SOX5: variants seen among roughly 807,000 people sequenced by gnomAD.
SOX5 encodes transcription factor SOX-5.
Under a neutral mutation model 92.0 loss-of-function variants are expected in SOX5, and 9 were observed. That is an observed-to-expected ratio of 0.10 (90% confidence interval 0.06 to 0.17). The LOEUF is 0.17. SOX5 is among the 10% of genes least tolerant of loss of function. SOX5 has a pLI of 1.00. For synonymous variants in SOX5, 344 were observed against 336.3 expected, an observed-to-expected ratio of 1.02 and a Z score of -0.25; for missense variants, 642 against 944.5, an observed-to-expected ratio of 0.68 and a Z score of 4.20.
intron 2 of SOX5, among the ~76,000 whole-genome samples, chr12:24,292,646 C>A (rs1289113798): frequency 1.3e-5 from 2 of 152,192 alleles, no homozygotes; most frequent in African/African-American, 4.8e-5. Flanking sequence ...AGATAATCTA[C>A]AGTCTGACAC....
At chr12:24,163,930 C>T (rs2139026007) in intron 4 of SOX5, among the ~76,000 whole-genome samples, 1 of 151,908 alleles carries the variant, frequency 6.6e-6, no homozygotes, top group South Asian at 2.1e-4. Flanking sequence ...AAAAGGCAGA[C>T]ATCATTCAAA....
intron 8 of SOX5, among the ~76,000 whole-genome samples, chr12:23,625,757 C>G (rs2077698350): frequency 1.3e-5 from 2 of 152,094 alleles, no homozygotes; most frequent in African/African-American, 4.8e-5. Context: ...TTACAGGCGC[C>G]TGCCACCACG....
intron 2 of SOX5, among the ~76,000 whole-genome samples, chr12:23,861,727 A>G (rs2096759287): frequency 6.6e-6 from 1 of 152,186 alleles, no homozygotes; most frequent in African/African-American, 2.4e-5. Flanking sequence ...CATTTTCTTT[A>G]AGTCTCAAAC....
At chr12:24,073,271 A>G (rs1942042740) in intron 4 of SOX5, among the ~76,000 whole-genome samples, 1 of 152,236 alleles carries the variant, frequency 6.6e-6, no homozygotes, top group Admixed American at 6.5e-5. Flanking sequence ...ATATGAGCTC[A>G]AATCCAATCT....
chr12:24,543,605 T>A (rs1026610399), intron 1 of SOX5, among the ~76,000 whole-genome samples: 1 of 152,206 alleles, frequency 6.6e-6, no homozygotes, highest in Non-Finnish European at 1.5e-5. Flanking sequence ...GGAGAATCAC[T>A]TGGACCCAGG....
intron 4 of SOX5, among the ~76,000 whole-genome samples, chr12:24,165,628 A>C (rs1953308723): frequency 6.6e-6 from 1 of 152,146 alleles, no homozygotes; most frequent in Non-Finnish European, 1.5e-5. Flanking sequence ...TCTGAAAGGA[A>C]GTATAGAGGC....
At chr12:23,900,518 G>C (rs1192172885) in intron 1 of SOX5, among the ~76,000 whole-genome samples, 2 of 152,212 alleles carry the variant, frequency 1.3e-5, no homozygotes, top group South Asian at 4.2e-4. Context: ...CCTGCACATT[G>C]GAATTACCTG....
chr12:23,600,514 G>C (rs1336635060), intron 9 of SOX5, among the ~76,000 whole-genome samples: 17 of 40,404 alleles, frequency 4.2e-4, no homozygotes, highest in Non-Finnish European at 7.8e-4. Flanking sequence ...ACCATGGCGG[G>C]GGGGGTGCAT....
At chr12:23,882,229 C>G (rs951902252) in intron 2 of SOX5, among the ~76,000 whole-genome samples, 1 of 151,960 alleles carries the variant, frequency 6.6e-6, no homozygotes, top group Non-Finnish European at 1.5e-5. Context: ...TTGCTGGTAA[C>G]ATAGAAGCAA....
chr12:24,562,321 C>G (rs1954458812), intron 1 of SOX5: 1 of 152,308 alleles, frequency 6.6e-6, no homozygotes, highest in Admixed American at 6.5e-5. Flanking sequence ...TAAAACGCAG[C>G]GATTCACGCA....
chr12:24,444,921 C>A (rs1409353171), intron 1 of SOX5, among the ~76,000 whole-genome samples: 1 of 152,140 alleles, frequency 6.6e-6, no homozygotes, highest in African/African-American at 2.4e-5. Flanking sequence ...CAATAAACCT[C>A]ACAGATACAA....
chr12:24,043,153 T>C (rs899207762), intron 4 of SOX5, among the ~76,000 whole-genome samples: 6 of 152,206 alleles, frequency 3.9e-5, no homozygotes, highest in Non-Finnish European at 5.9e-5. Flanking sequence ...GTTCATAAAT[T>C]TCCTGTAGAA....
chr12:23,670,491 A>T (rs2084589933), intron 6 of SOX5, among the ~76,000 whole-genome samples: 1 of 152,154 alleles, frequency 6.6e-6, no homozygotes, highest in South Asian at 2.1e-4. Context: ...TTTCAAATGT[A>T]GGAAAGAGAG....
intron 4 of SOX5, among the ~76,000 whole-genome samples, chr12:23,753,962 C>A (rs2094277103): frequency 1.3e-5 from 2 of 151,838 alleles, no homozygotes; most frequent in African/African-American, 2.4e-5. Flanking sequence ...AGAAGAAAGA[C>A]CTACAGTTGC....
At chr12:24,013,019 G>T (rs915902668) in intron 4 of SOX5, among the ~76,000 whole-genome samples, 26 of 152,086 alleles carry the variant, frequency 1.7e-4, no homozygotes, top group Admixed American at 1.4e-3. Flanking sequence ...TTCAAAAATT[G>T]TGTCTTATCC....
chr12:23,607,256 T>C (rs2075359648), intron 8 of SOX5, among the ~76,000 whole-genome samples: 1 of 152,204 alleles, frequency 6.6e-6, no homozygotes, highest in African/African-American at 2.4e-5. Flanking sequence ...ATAGATATGT[T>C]TTCCTAAAAG....
chr12:24,466,538 T>C (rs367610123), intron 1 of SOX5, among the ~76,000 whole-genome samples: 85 of 152,310 alleles, frequency 5.6e-4, no homozygotes, highest in African/African-American at 2.0e-3. Flanking sequence ...ACTAGTTAGT[T>C]TCTATTTAGG....
intron 1 of SOX5, among the ~76,000 whole-genome samples, chr12:24,430,554 A>G (rs1938102293): frequency 1.3e-5 from 2 of 152,132 alleles, no homozygotes; most frequent in Admixed American, 1.3e-4. Context: ...ACACACACAC[A>G]TAAATGTAGT....
At chr12:24,245,274 T>TGTGC (rs984874059) in intron 3 of SOX5, among the ~76,000 whole-genome samples, 5 of 147,556 alleles carry the variant, frequency 3.4e-5, no homozygotes, top group African/African-American at 1.2e-4. Flanking sequence ...TGTGTGTGTG[T>TGTGC]GCCTTCTACT....
Sources: allele counts gnomAD v4.1 joint callset (sites outside exome capture counted in the v4.1 genomes callset), GRCh38; gene constraint gnomAD v4.1.1; transcripts MANE v1.5; gene names NCBI Gene and HGNC (gene_info 2026-07-23, HGNC 2026-07-21).